Variants in MB21D2 observed in about 807,000 individuals in gnomAD.
The protein encoded by MB21D2 is Mab-21 domain containing 2, also known as nucleotidyltransferase MB21D2.
A neutral mutation model predicts 33.3 loss-of-function variants in MB21D2; 9 were observed. The ratio of observed to expected loss-of-function variants is 0.27; its 90% CI spans 0.16 to 0.47. MB21D2 has a LOEUF of 0.47. MB21D2 is among the 20% of genes least tolerant of loss of function. The probability of loss-of-function intolerance (pLI) is 0.99; values close to 1 mark genes in which losing one functional copy is unlikely to be tolerated. For synonymous variants in MB21D2, 241 were observed against 236.3 expected, an observed-to-expected ratio of 1.02 and a Z score of -0.18; for missense variants, 540 against 624.6, an observed-to-expected ratio of 0.86 and a Z score of 1.44.
At chr3:192,905,457 T>TATA (rs1714189572) in intron 1 of MB21D2, among the ~76,000 whole-genome samples, 1 of 151,366 alleles carries the variant, frequency 6.6e-6, no homozygotes, top group African/African-American at 2.4e-5. Flanking sequence ...ACCAACATGG[T>TATA]GAAACCCCAT....
At chr3:192,831,599 CA>C (rs1712316227) in intron 1 of MB21D2, among the ~76,000 whole-genome samples, 1 of 152,156 alleles carries the variant, frequency 6.6e-6, no homozygotes, top group Admixed American at 6.5e-5. Flanking sequence ...GGCAGTTCAT[CA>C]AATCTTCAAC....
chr3:192,820,013 T>C (rs533102861), intron 1 of MB21D2, among the ~76,000 whole-genome samples: 1 of 152,188 alleles, frequency 6.6e-6, no homozygotes, highest in Non-Finnish European at 1.5e-5. Flanking sequence ...GGTTTCTGTT[T>C]CCTTGGCTAC....
At chr3:192,870,920 T>C (rs1713282475) in intron 1 of MB21D2, among the ~76,000 whole-genome samples, 1 of 152,114 alleles carries the variant, frequency 6.6e-6, no homozygotes, top group Admixed American at 6.5e-5. Flanking sequence ...TTCCAACCAA[T>C]GTGAGGACAG....
intron 1 of MB21D2, among the ~76,000 whole-genome samples, chr3:192,907,383 G>C (rs1022368036): frequency 2.0e-5 from 3 of 152,074 alleles, no homozygotes; most frequent in Non-Finnish European, 2.9e-5. Flanking sequence ...ATGAAACCTC[G>C]CATCCCTCCC....
chr3:192,828,647 T>C lies in MB21D2; in HGVS notation c.212-28997A>G, dbSNP rs867874581. Among the ~76,000 whole-genome samples, 172 of 38,996 alleles carry C rather than the reference T, an allele frequency of 4.4e-3. 32 individuals carry two copies. In the East Asian group the frequency reaches 0.052, roughly 12 times the overall value. 25.6% of individuals were successfully genotyped at this position (38,996 alleles called of 152,430 possible). A position where few individuals can be genotyped will look rare whatever the true frequency, so the allele number is the denominator to read the frequency against. On this transcript the variant is annotated intron_variant, in intron 1 of 1. Coordinates refer to ENST00000392452, the MANE Select transcript of MB21D2 (RefSeq NM_178496.4). ...ATATATATATATATATATATATATA[T>C]ATATATATATATATATTTTGAGACG...
intron 1 of MB21D2, among the ~76,000 whole-genome samples, chr3:192,870,515 C>G (rs1184521264): frequency 1.3e-5 from 2 of 151,618 alleles, no homozygotes; most frequent in Admixed American, 6.6e-5. Context: ...CATGGTGAAA[C>G]CCCACCTTTA....
intron 1 of MB21D2, among the ~76,000 whole-genome samples, chr3:192,873,557 T>C (rs756937303): frequency 8.5e-5 from 13 of 152,098 alleles, no homozygotes; most frequent in Non-Finnish European, 1.9e-4. Context: ...ACTCCTACCA[T>C]TCAGCCCATT....
At chr3:192,856,906 T>A (rs62293209) in intron 1 of MB21D2, among the ~76,000 whole-genome samples, 5,836 of 152,248 alleles carry the variant, frequency 0.038, 143 homozygotes, top group Non-Finnish European at 0.043. Flanking sequence ...TCTGTCTGTT[T>A]GAGATCTAAG....
At chr3:192,872,525 G>A (rs987892422) in intron 1 of MB21D2, among the ~76,000 whole-genome samples, 48 of 150,728 alleles carry the variant, frequency 3.2e-4, no homozygotes, top group African/African-American at 1.1e-3. Context: ...GCAGTGAGCC[G>A]AGATCGCGCC....
rs779021289 is a variant in MB21D2 at position 192,798,618 on chromosome 3, A to G, written c.1244T>C (p.Ile415Thr). 3 of 1,613,998 alleles carry G rather than the reference A, an allele frequency of 1.9e-6. No homozygotes were observed. The highest frequency in any genetic ancestry group is 2.5e-6 in the Non-Finnish European group (3 of 1,180,028). The change falls in exon 2 of 2, where the codon ATT becomes ACT. Residue 415 changes from isoleucine to threonine, a missense_variant. Transcript: ENST00000392452. This position sits in a 1 kb window ranked among gnomAD's most constrained non-coding sequence, Gnocchi z 4.8. ...SDPAEHLRTA[I>T]EHVKAANRLT... ...CCGGTTGGCTGCCTTGACATGCTCA[A>G]TGGCGGTGCGCAAGTGCTCTGCCGG... is the stretch of plus-strand genomic sequence containing the variant.
chr3:192,833,924 C>T (rs771873175), intron 1 of MB21D2, among the ~76,000 whole-genome samples: 14 of 152,276 alleles, frequency 9.2e-5, no homozygotes, highest in Non-Finnish European at 1.6e-4. Context: ...CTAATCCCAT[C>T]CTCCCCTGTA....
chr3:192,797,237 C>A lies in MB21D2; in HGVS notation c.*1149G>T, dbSNP rs897263028. On this transcript the variant is annotated 3_prime_UTR_variant, in exon 2 of 2. Transcript: ENST00000392452. ...ATAGCAATACCTGCTTTTGAACAGA[C>A]GTGGTATCTTCTATTTGGGGATTAT... The A allele has an allele frequency of 6.6e-6, 1 of 152,642 alleles. No individual in the cohort carries two copies. The highest frequency in any genetic ancestry group is 1.5e-5 in the Non-Finnish European group (1 of 68,038). The allele number at this position is 152,642 out of a possible 1,614,324, so 9.5% of individuals were successfully genotyped here. A position where few individuals can be genotyped will look rare whatever the true frequency, so the allele number is the denominator to read the frequency against.
intron 1 of MB21D2, among the ~76,000 whole-genome samples, chr3:192,882,747 TC>T (rs71701684): frequency 1.4e-3 from 205 of 146,244 alleles, no homozygotes; most frequent in Non-Finnish European, 1.6e-3. Flanking sequence ...CCTTTTTTTT[TC>T]TTTGAGACGG....
intron 1 of MB21D2, among the ~76,000 whole-genome samples, chr3:192,804,438 C>T (rs1468352990): frequency 7.1e-6 from 1 of 141,138 alleles, no homozygotes; most frequent in African/African-American, 2.6e-5. Context: ...CACACACACA[C>T]ACACACACAC....
intron 1 of MB21D2, among the ~76,000 whole-genome samples, chr3:192,898,691 C>T (rs1293393336): frequency 6.6e-6 from 1 of 152,230 alleles, no homozygotes; most frequent in Non-Finnish European, 1.5e-5. Context: ...AAAAGGCCAT[C>T]ATTGAGTTTC....
intron 1 of MB21D2, among the ~76,000 whole-genome samples, chr3:192,836,685 A>G (rs368363949): frequency 2.4e-4 from 36 of 152,188 alleles, no homozygotes; most frequent in African/African-American, 7.7e-4. Context: ...AACTGTGAGA[A>G]AACAAATTTC....
intron 1 of MB21D2, among the ~76,000 whole-genome samples, chr3:192,847,405 C>A (rs893526467): frequency 1.3e-5 from 2 of 152,098 alleles, no homozygotes. Context: ...CAGGTTGAAA[C>A]GGGGTCCTTA....
intron 1 of MB21D2, among the ~76,000 whole-genome samples, chr3:192,905,903 A>T (rs998973818): frequency 6.6e-6 from 1 of 152,160 alleles, no homozygotes; most frequent in African/African-American, 2.4e-5. Context: ...GTTTCAAAGG[A>T]TTTGAGTTTG....
intron 1 of MB21D2, among the ~76,000 whole-genome samples, chr3:192,825,841 C>T (rs1712163666): frequency 6.6e-6 from 1 of 152,210 alleles, no homozygotes; most frequent in Non-Finnish European, 1.5e-5. Flanking sequence ...GCATCAGTCC[C>T]GCCCCCACAT....
Sources: allele counts gnomAD v4.1 joint callset (sites outside exome capture counted in the v4.1 genomes callset), GRCh38; gene constraint gnomAD v4.1.1; non-coding constraint Gnocchi (gnomAD v3.1); transcripts MANE v1.5; gene names NCBI Gene and HGNC (gene_info 2026-07-23, HGNC 2026-07-21).